The following SOBP variants were observed in gnomAD, a reference collection of about 807,000 sequenced individuals.
The protein encoded by SOBP is sine oculis-binding protein homolog.
In SOBP, 4 loss-of-function variants were observed where a neutral mutation model predicts 53.6. The ratio of observed to expected loss-of-function variants is 0.07; its 90% CI spans 0.04 to 0.17. The LOEUF (loss-of-function observed/expected upper bound fraction) is 0.17. Ranked by LOEUF, SOBP falls within the 10% of genes least tolerant of loss-of-function variation. The probability of loss-of-function intolerance (pLI) is 1.00; values close to 1 mark genes in which losing one functional copy is unlikely to be tolerated. For synonymous variants in SOBP, 584 were observed against 522.6 expected, an observed-to-expected ratio of 1.12 and a Z score of -1.60; for missense variants, 1,088 against 1,204.7, an observed-to-expected ratio of 0.90 and a Z score of 1.43.
intron 5 of SOBP, among the ~76,000 whole-genome samples, chr6:107,610,506 G>A (rs879776235): frequency 3.3e-5 from 5 of 152,150 alleles, no homozygotes; most frequent in Non-Finnish European, 7.4e-5. Flanking sequence ...GAAGGTCCTC[G>A]CAGGTGCCAC....
intron 1 of SOBP, among the ~76,000 whole-genome samples, chr6:107,496,593 T>C (rs1782704322): frequency 6.6e-6 from 1 of 152,244 alleles, no homozygotes; most frequent in South Asian, 2.1e-4. Flanking sequence ...CATTGTGTTG[T>C]GGCTAAGAGC....
intron 4 of SOBP, among the ~76,000 whole-genome samples, chr6:107,570,523 C>T (rs1393609580): frequency 6.6e-6 from 1 of 152,220 alleles, no homozygotes; most frequent in Non-Finnish European, 1.5e-5. Flanking sequence ...AACTCAGAAT[C>T]TTTTGTTGAG....
chr6:107,500,807 G>A (rs182245080), intron 1 of SOBP, among the ~76,000 whole-genome samples: 2,207 of 152,222 alleles, frequency 0.014, 59 homozygotes, highest in Admixed American at 0.052. Context: ...TTACAGGTCT[G>A]AGCCACCACA....
intron 6 of SOBP, among the ~76,000 whole-genome samples, chr6:107,638,065 A>C (rs1479704436): frequency 1.3e-5 from 2 of 152,200 alleles, no homozygotes; most frequent in African/African-American, 2.4e-5. Flanking sequence ...CAAGTGATTT[A>C]AGATGGGGGA....
At chr6:107,542,512 T>C (rs914596955) in intron 4 of SOBP, among the ~76,000 whole-genome samples, 1 of 152,112 alleles carries the variant, frequency 6.6e-6, no homozygotes. Flanking sequence ...ATGGGTGATA[T>C]GATCTGATTT....
chr6:107,509,165 C>T (rs1198264845), intron 3 of SOBP, among the ~76,000 whole-genome samples: 2 of 152,098 alleles, frequency 1.3e-5, no homozygotes, highest in African/African-American at 2.4e-5. Context: ...GAGGCTGAGG[C>T]GGGCGGATCA....
chr6:107,515,164 GAC>G (rs1783281175), intron 3 of SOBP: 1 of 152,158 alleles, frequency 6.6e-6, no homozygotes, highest in South Asian at 2.1e-4. Flanking sequence ...TACCAAAACA[GAC>G]AGAAGAAATA....
chr6:107,535,391 G>T (rs997403514), intron 4 of SOBP, among the ~76,000 whole-genome samples: 2 of 152,240 alleles, frequency 1.3e-5, no homozygotes, highest in Non-Finnish European at 2.9e-5. Flanking sequence ...AGCAGGTAAA[G>T]TCAGCAGTGG....
intron 1 of SOBP, among the ~76,000 whole-genome samples, chr6:107,494,406 C>T (rs1455021603): frequency 2.0e-5 from 3 of 152,192 alleles, no homozygotes; most frequent in South Asian, 4.1e-4. Flanking sequence ...GATGTGTAAG[C>T]GTAAATATAT....
intron 5 of SOBP, among the ~76,000 whole-genome samples, chr6:107,599,948 A>G (rs1010905108): frequency 1.3e-5 from 2 of 152,214 alleles, no homozygotes; most frequent in African/African-American, 4.8e-5. Context: ...ACTCAAGTGC[A>G]TCTCCCCTTG....
intron 5 of SOBP, among the ~76,000 whole-genome samples, chr6:107,621,531 A>C (rs1770173908): frequency 6.6e-6 from 1 of 152,208 alleles, no homozygotes; most frequent in Admixed American, 6.5e-5. Flanking sequence ...TATCTAGGAA[A>C]TTGCCACTAA....
At position 107,535,254 on chromosome 6, in the gene SOBP, T is replaced by G. The variant is rs75840257; in HGVS notation, c.573+1644T>G. ...TGGAAAAACACTCCAGAATACCATA[T>G]CTATATCTATATTGTTTACATCATT... On this transcript the variant is annotated intron_variant, in intron 4 of 6. Transcript: ENST00000317357. Among the ~76,000 whole-genome samples, 310 of 152,324 alleles carry G rather than the reference T, an allele frequency of 2.0e-3. 2 individuals are homozygous for G. Among genetic ancestry groups the G allele is most frequent in the African/African-American group, 7.1e-3 (295 of 41,576 alleles).
chr6:107,503,039 C>T lies in SOBP; in HGVS notation c.97-618C>T, dbSNP rs180821452. 1.5e-4 allele frequency among the ~76,000 whole-genome samples: 23 copies of T among 152,164 alleles called. No homozygotes were observed. The East Asian group carries it at 4.3e-3, about 28-fold the overall frequency. ...GCCTTCCAAAGTGCGGGATTACAGG[C>T]GTGAGCCACCGTGCCTGGCCTGATT... On this transcript the variant is annotated intron_variant, in intron 1 of 6. Coordinates refer to ENST00000317357, the MANE Select transcript of SOBP (RefSeq NM_018013.4).
intron 4 of SOBP, among the ~76,000 whole-genome samples, chr6:107,582,306 A>G (rs1380953638): frequency 6.6e-6 from 1 of 152,214 alleles, no homozygotes; most frequent in East Asian, 1.9e-4. Context: ...GAAGAACTAA[A>G]GTTTGCTGTA....
At chr6:107,617,070 G>T (rs1452952112) in intron 5 of SOBP, among the ~76,000 whole-genome samples, 1 of 152,208 alleles carries the variant, frequency 6.6e-6, no homozygotes, top group African/African-American at 2.4e-5. Context: ...CTTCAGAGCA[G>T]CAGGGTTCAC....
At chr6:107,583,916 AATGAACATTTAC>A (rs1424651255) in intron 4 of SOBP, among the ~76,000 whole-genome samples, 1 of 152,220 alleles carries the variant, frequency 6.6e-6, no homozygotes. Flanking sequence ...GAAATGCTCC[AATGAACATTTAC>A]TTTGAGCATC....
chr6:107,491,469 G>C (rs1172277030), intron 1 of SOBP, among the ~76,000 whole-genome samples: 1 of 152,382 alleles, frequency 6.6e-6, no homozygotes, highest in East Asian at 1.9e-4. Context: ...TGGGCTCCCC[G>C]CCAGGCCAGC....
At chr6:107,651,774 C>T (rs560319750) in intron 6 of SOBP, among the ~76,000 whole-genome samples, 11 of 152,266 alleles carry the variant, frequency 7.2e-5, no homozygotes, top group African/African-American at 1.9e-4. Flanking sequence ...CTAATGCTGC[C>T]GGTGACCTTA....
At chr6:107,629,754 G>A (rs569042917) in intron 5 of SOBP, among the ~76,000 whole-genome samples, 2 of 152,200 alleles carry the variant, frequency 1.3e-5, no homozygotes, top group Non-Finnish European at 2.9e-5. Flanking sequence ...AGGCCACTGA[G>A]CTTATAAGTA....
Sources: allele counts gnomAD v4.1 joint callset (sites outside exome capture counted in the v4.1 genomes callset), GRCh38; gene constraint gnomAD v4.1.1; transcripts MANE v1.5; gene names NCBI Gene and HGNC (gene_info 2026-07-23, HGNC 2026-07-21).